ZDHHC11: variants seen among roughly 807,000 people sequenced by gnomAD.
The protein encoded by ZDHHC11 is palmitoyltransferase ZDHHC11.
ZDHHC11 carries 44 observed loss-of-function variants against 51.3 expected under a neutral mutation model. That is an observed-to-expected ratio of 0.86 (90% CI 0.67 to 1.10). ZDHHC11 has a LOEUF of 1.10. Among genes scored for constraint, ZDHHC11 ranks in the 50% least tolerant of loss-of-function variants. The pLI is 0.00. For synonymous variants in ZDHHC11, 163 were observed against 222.0 expected, an observed-to-expected ratio of 0.73 and a Z score of 2.36; for missense variants, 400 against 537.7, an observed-to-expected ratio of 0.74 and a Z score of 2.53.
chr5:810,578 C>A (rs971511828), intron 11 of ZDHHC11, among the ~76,000 whole-genome samples: 1 of 151,196 alleles, frequency 6.6e-6, no homozygotes, highest in African/African-American at 2.4e-5. Context: ...AGTCCCTGAT[C>A]GCTAGAAACA....
At chr5:840,858 T>C (rs72708928) in intron 4 of ZDHHC11, 55,975 of 1,443,058 alleles carry the variant, frequency 0.039, 1,198 homozygotes, top group Non-Finnish European at 0.043. Flanking sequence ...CCCTGCTTTA[T>C]GGATCTGGGA....
At chr5:815,390 C>G (rs1192225418) in intron 10 of ZDHHC11, among the ~76,000 whole-genome samples, 1 of 150,852 alleles carries the variant, frequency 6.6e-6, no homozygotes, top group Non-Finnish European at 1.5e-5. Flanking sequence ...GTTCTCAGTG[C>G]TCTTGGTTAA....
chr5:841,856 G>C lies in ZDHHC11; in HGVS notation c.629-1206C>G. On this transcript the variant is annotated intron_variant, in intron 4 of 12. Transcript: ENST00000283441. ...ATGGATTCAGCATGGATGTCTTTGGGTGACTCAGCATGGATGTCTTTCGGT... is the reference window on the plus strand; with the variant it reads ...ATGGATTCAGCATGGATGTCTTTGGCTGACTCAGCATGGATGTCTTTCGGT... The C allele has an allele frequency of 3.0e-6, 3 of 990,054 alleles. No homozygotes were observed. The South Asian group carries it at 1.3e-4, about 44-fold the overall frequency. 61.3% of individuals were successfully genotyped at this position (990,054 alleles called of 1,614,324 possible).
chr5:833,745 A>T (rs1743372683), intron 7 of ZDHHC11, 28 bp downstream of exon 7: 1 of 1,280,968 alleles, frequency 7.8e-7, no homozygotes, highest in East Asian at 2.3e-5. Flanking sequence ...CAGAAGGACC[A>T]AGCTACTGCA....
intron 7 of ZDHHC11, among the ~76,000 whole-genome samples, chr5:827,041 T>G (rs1261487715): frequency 3.0e-5 from 4 of 134,822 alleles, no homozygotes; most frequent in African/African-American, 8.0e-5. Flanking sequence ...CAGCAGAAAC[T>G]CTACACACTA....
upstream of ZDHHC11, among the ~76,000 whole-genome samples, chr5:855,957 CAGTG>C (rs1326591179): frequency 7.9e-5 from 12 of 151,436 alleles, no homozygotes; most frequent in African/African-American, 2.7e-4. Context: ...AGAGGACAGA[CAGTG>C]AGCGAGGGGC....
chr5:847,588 G>A lies in ZDHHC11; in HGVS notation c.429C>T (p.Ser143=). Residue 143 remains serine (S), a synonymous_variant, in exon 3 of 13, where the codon TCC becomes TCT. Transcript: ENST00000283441. ...CGAAGCCGGACACACACTTATTGCA[G>A]GAAATGCAGTGTTTGGTTTTCTTGT... ...TVNKKTKHCI[S]CNKCVSGFDH... 1 of 1,488,692 alleles carries A rather than the reference G, an allele frequency of 6.7e-7. No homozygotes were observed. Among genetic ancestry groups the A allele is most frequent in the Non-Finnish European group, 9.2e-7 (1 of 1,091,356 alleles). 92.2% of individuals were successfully genotyped at this position (1,488,692 alleles called of 1,614,324 possible).
At chr5:849,958 G>GCT (rs144418161) in intron 1 of ZDHHC11, among the ~76,000 whole-genome samples, 8,528 of 152,208 alleles carry the variant, frequency 0.056, 262 homozygotes, top group African/African-American at 0.084. Flanking sequence ...AGAGGCCCTC[G>GCT]CAGTGTGGCC....
intron 10 of ZDHHC11, chr5:816,286 G>A: frequency 3.6e-6 from 1 of 274,760 alleles, no homozygotes; most frequent in Non-Finnish European, 7.2e-6. Context: ...TATCAAAGAA[G>A]ACATTGCTTA....
In ZDHHC11 at chr5:850,680, G is replaced by C. The variant is rs1747068529; in HGVS notation, c.-78C>G. The C allele has an allele frequency of 6.4e-7, 1 of 1,553,462 alleles. No homozygotes were observed. The highest frequency in any genetic ancestry group is 1.8e-5 in the Admixed American group (1 of 56,976). On this transcript the variant is annotated 5_prime_UTR_variant, in exon 1 of 13. Transcript: ENST00000283441. Reference sequence around the variant, plus strand: ...CCCCGCCCACTGTCACAGAGACCAAGGGGACTGGGAATGCAGCCGCCAGGA... The same window carrying C: ...CCCCGCCCACTGTCACAGAGACCAACGGGACTGGGAATGCAGCCGCCAGGA...
At chr5:802,569 T>C (rs1296475268) in intron 11 of ZDHHC11, among the ~76,000 whole-genome samples, 5 of 150,510 alleles carry the variant, frequency 3.3e-5, no homozygotes, top group African/African-American at 9.8e-5. Flanking sequence ...TAGAAAGCTA[T>C]AGAGGCTGGT....
chr5:843,036 C>T (rs550339695), intron 4 of ZDHHC11, among the ~76,000 whole-genome samples: 45 of 152,350 alleles, frequency 3.0e-4, no homozygotes, highest in African/African-American at 1.0e-3. Context: ...GCTGGCATCA[C>T]GGGATCTGGG....
chr5:834,504 GT>G (rs147709442), intron 6 of ZDHHC11, among the ~76,000 whole-genome samples: 2,720 of 140,730 alleles, frequency 0.019, 12 homozygotes, highest in African/African-American at 0.082. Flanking sequence ...TGAGTTTTCT[GT>G]TTGTTTATGT....
intron 1 of ZDHHC11, among the ~76,000 whole-genome samples, chr5:857,029 CCACA>C (rs1200831617): frequency 2.0e-5 from 3 of 151,510 alleles, no homozygotes; most frequent in African/African-American, 4.9e-5. Context: ...CCACAGAATA[CCACA>C]CACAACACAC....
chr5:836,258 A>G (rs1398676787), intron 6 of ZDHHC11, among the ~76,000 whole-genome samples: 3 of 150,330 alleles, frequency 2.0e-5, no homozygotes, highest in African/African-American at 7.4e-5. Context: ...CCTTTTCTGC[A>G]TTGATTGGCA....
At chr5:827,885 G>C (rs144238048) in intron 7 of ZDHHC11, among the ~76,000 whole-genome samples, 1 of 151,090 alleles carries the variant, frequency 6.6e-6, no homozygotes, top group Admixed American at 6.6e-5. Context: ...AGGACCCAGC[G>C]GCCTTCCCCA....
chr5:801,408 C>T lies in ZDHHC11; in HGVS notation c.1182-244G>A, dbSNP rs550321927. ...TGTGCTGATATAGAGACAAAGTGTG[C>T]TTTCCCTGATAAATAAGAGGGTCTT... On this transcript the variant is annotated intron_variant, in intron 11 of 12. Transcript: ENST00000283441. Among the ~76,000 whole-genome samples, 3 of 152,008 alleles carry T rather than the reference C, an allele frequency of 2.0e-5. No homozygotes were observed. The South Asian group carries it at 6.2e-4, about 32-fold the overall frequency.
chr5:840,219 C>A lies in ZDHHC11; in HGVS notation c.784+276G>T. The A allele has an allele frequency of 4.3e-6, 3 of 704,014 alleles. 1 individual carries two copies. In the South Asian group the frequency reaches 4.5e-5, roughly 10 times the overall value. 43.6% of individuals were successfully genotyped at this position (704,014 alleles called of 1,614,324 possible). A position where few individuals can be genotyped will look rare whatever the true frequency, so the allele number is the denominator to read the frequency against. The stretch of plus-strand genomic sequence containing the variant: ...ATTTTAAACTTGTTACTTCAAGCAC[C>A]TGGCACCACTCCTGCAGGTCTCGGC... On this transcript the variant is annotated intron_variant, in intron 5 of 12. Coordinates refer to ENST00000283441, the MANE Select transcript of ZDHHC11 (RefSeq NM_024786.3).
intron 11 of ZDHHC11, among the ~76,000 whole-genome samples, chr5:809,014 C>CACA (rs1554050773): frequency 6.5e-5 from 9 of 139,002 alleles, no homozygotes; most frequent in African/African-American, 1.6e-4. Context: ...CACACACACA[C>CACA]GCACACTATT....
Sources: gnomAD v4.1 joint callset for allele counts (sites outside exome capture counted in the v4.1 genomes callset) on GRCh38, gnomAD v4.1.1 for gene constraint, MANE v1.5 for transcripts, NCBI Gene and HGNC (gene_info 2026-07-23, HGNC 2026-07-21) for gene names.